Variants in PRKD3 observed in about 807,000 individuals in gnomAD.
The protein encoded by PRKD3 is serine/threonine-protein kinase D3.
A neutral mutation model predicts 99.2 loss-of-function variants in PRKD3; 47 were observed. The ratio of observed to expected loss-of-function variants is 0.47; its 90% CI spans 0.38 to 0.60. PRKD3 has a LOEUF of 0.60. Ranked by LOEUF, PRKD3 falls within the 20% of genes least tolerant of loss-of-function variation. The probability of loss-of-function intolerance (pLI) is 0.00; values close to 1 mark genes in which losing one functional copy is unlikely to be tolerated. For synonymous variants in PRKD3, 392 were observed against 355.4 expected, an observed-to-expected ratio of 1.10 and a Z score of -1.16; for missense variants, 1,019 against 1,088.4, an observed-to-expected ratio of 0.94 and a Z score of 0.90.
chr2:37,275,540 G>GAAAT (rs1669525813), intron 10 of PRKD3, among the ~76,000 whole-genome samples: 2 of 152,116 alleles, frequency 1.3e-5, no homozygotes, highest in African/African-American at 4.8e-5. Context: ...AGGCAAGCCA[G>GAAAT]AAATAAATAA....
In PRKD3 at chr2:37,250,945, A is replaced by G. The variant is rs1178243751; in HGVS notation, c.*2232T>C. On this transcript the variant is annotated 3_prime_UTR_variant, in exon 19 of 19. Transcript: ENST00000234179. The stretch of plus-strand genomic sequence containing the variant: ...CAGATTCTCTGACAGTGCCTTTACA[A>G]AATTTTTAGAAAACTTCTTAGGCAT... The G allele has an allele frequency of 1.3e-5, 2 of 152,764 alleles. No individual in the cohort carries two copies. Among genetic ancestry groups the G allele is most frequent in the Admixed American group, 1.3e-4 (2 of 15,300 alleles). The allele number at this position is 152,764 out of a possible 1,614,324, so 9.5% of individuals were successfully genotyped here.
At chr2:37,266,648 G>A (rs755363660) in intron 14 of PRKD3, among the ~76,000 whole-genome samples, 6 of 152,146 alleles carry the variant, frequency 3.9e-5, no homozygotes, top group Non-Finnish European at 5.9e-5. Context: ...CACCGTGCCC[G>A]GCCTAGTTTT....
At chr2:37,280,601 A>T (rs1244450872) in intron 7 of PRKD3, among the ~76,000 whole-genome samples, 2 of 152,202 alleles carry the variant, frequency 1.3e-5, no homozygotes, top group African/African-American at 4.8e-5. Context: ...TATAAATCAT[A>T]TATAAAAATT....
intron 2 of PRKD3, among the ~76,000 whole-genome samples, chr2:37,296,664 G>A (rs1437572921): frequency 2.6e-5 from 4 of 151,970 alleles, no homozygotes; most frequent in African/African-American, 7.3e-5. Flanking sequence ...TTGGGAGGCC[G>A]CGGCGGGAAG....
chr2:37,262,493 C>T lies in PRKD3; in HGVS notation c.1885-2109G>A, dbSNP rs3770765. Among the ~76,000 whole-genome samples the T allele has an allele frequency of 1.8e-4, 28 of 152,260 alleles. No individual in the cohort carries two copies. The East Asian group carries it at 4.6e-3, about 25-fold the overall frequency. On this transcript the variant is annotated intron_variant, in intron 14 of 18. Transcript: ENST00000234179. ...TCATTTTAAACCCATTTTATGAGAT[C>T]GTTTTCCAAGCAGCAAAATACAAAA...
At chr2:37,324,279 T>G (rs1672016476) in intron 1 of PRKD3, 1 of 969,290 alleles carries the variant, frequency 1.0e-6, no homozygotes, top group East Asian at 1.1e-4. Context: ...GCGCCGCGGG[T>G]CTGGCTTCGG....
intron 5 of PRKD3, 35 bp downstream of exon 5, chr2:37,289,318 AACT>A (rs746179419): frequency 5.0e-6 from 8 of 1,600,146 alleles, no homozygotes; most frequent in African/African-American, 4.0e-5. Context: ...CACAGAGAAT[AACT>A]ACTACTAAAA....
chr2:37,276,799 C>T (rs1366654993), intron 9 of PRKD3, among the ~76,000 whole-genome samples: 8 of 148,794 alleles, frequency 5.4e-5, no homozygotes, highest in Admixed American at 2.7e-4. Flanking sequence ...TATATACACA[C>T]ACACACATAC....
intron 2 of PRKD3, among the ~76,000 whole-genome samples, chr2:37,305,429 TCTCA>T (rs1671116746): frequency 6.6e-6 from 1 of 152,226 alleles, no homozygotes; most frequent in African/African-American, 2.4e-5. Flanking sequence ...CCAATTCCTT[TCTCA>T]CTCCAATTAT....
intron 1 of PRKD3, among the ~76,000 whole-genome samples, chr2:37,323,085 CAG>C (rs78369737): frequency 0.046 from 6,966 of 151,784 alleles, 702 homozygotes; most frequent in East Asian, 0.35. Flanking sequence ...AATGTAATAT[CAG>C]AAAGTTTTAT....
At chr2:37,259,398 C>T (rs1033908208) in intron 16 of PRKD3, among the ~76,000 whole-genome samples, 185 bp downstream of exon 16, 2 of 152,222 alleles carry the variant, frequency 1.3e-5, no homozygotes, top group Non-Finnish European at 2.9e-5. Context: ...TGAATATAAA[C>T]AGTATAACTA....
At chr2:37,266,551 A>G (rs989781025) in intron 14 of PRKD3, among the ~76,000 whole-genome samples, 4 of 151,926 alleles carry the variant, frequency 2.6e-5, no homozygotes, top group African/African-American at 4.8e-5. Context: ...CAATGGCACA[A>G]TCTTGGCTAA....
At chr2:37,304,460 G>A (rs1671071323) in intron 2 of PRKD3, among the ~76,000 whole-genome samples, 2 of 152,052 alleles carry the variant, frequency 1.3e-5, no homozygotes, top group Admixed American at 1.3e-4. Flanking sequence ...ATCATAAGAG[G>A]CCAGGTGTGG....
At chr2:37,270,893 CT>C (rs1341241362) in intron 12 of PRKD3, among the ~76,000 whole-genome samples, 2 of 152,134 alleles carry the variant, frequency 1.3e-5, no homozygotes, top group African/African-American at 2.4e-5. Context: ...ATTCTGAATC[CT>C]TTTCCCCCAT....
chr2:37,253,244 T>C lies in PRKD3; in HGVS notation c.2606A>G (p.His869Arg). 1 of 1,612,700 alleles carries C rather than the reference T, an allele frequency of 6.2e-7. No homozygotes were observed. The highest frequency in any genetic ancestry group is 8.5e-7 in the Non-Finnish European group (1 of 1,178,864). The change falls in exon 19 of 19, where the codon CAT becomes CGT. Residue 869 changes from histidine to arginine, a missense_variant. Physicochemically the swap from His to Arg is conservative, Grantham distance 29 (BLOSUM62 0). Transcript: ENST00000234179. ...GAAGTGCTTTGGGTATACAAGGTTA[T>C]GTGTGTATGCATGTATTTCCCAGCG... Reference protein sequence around the residue: ...DARWEIHAYTHNLVYPKHFIM... With the variant: ...DARWEIHAYTRNLVYPKHFIM...
At position 37,274,479 on chromosome 2, in the gene PRKD3, G is replaced by A. The variant is rs1179053451; in HGVS notation, c.1593C>T (p.Leu531=). ...QSWEKAIRQA[L]MPVTPQASVC... is the part of the protein sequence containing the mutation. ...CACTTGCTTGAGGAGTAACAGGCAT[G>A]AGGGCTTGGCGAATTGCTTTTTCCC... is the stretch of plus-strand genomic sequence containing the variant. The change falls in exon 11 of 19, where the codon CTC becomes CTT. Residue 531 remains leucine, a synonymous_variant. Coordinates refer to ENST00000234179, the MANE Select transcript of PRKD3 (RefSeq NM_005813.6). The A allele has an allele frequency of 6.2e-7, 1 of 1,614,026 alleles. No individual in the cohort carries two copies. Among genetic ancestry groups the A allele is most frequent in the Admixed American group, 1.7e-5 (1 of 60,010 alleles).
rs2148539284 is a variant in PRKD3 at position 37,274,485 on chromosome 2, T to C, written c.1587A>G (p.Gln529=). ...VAQSWEKAIR[Q]ALMPVTPQAS... ...CTTGAGGAGTAACAGGCATGAGGGC[T>C]TGGCGAATTGCTTTTTCCCAGCTCT... The change falls in exon 11 of 19, where the codon CAA becomes CAG. Residue 529 remains glutamine, a synonymous_variant. Transcript: ENST00000234179. The C allele has an allele frequency of 1.9e-6, 3 of 1,614,168 alleles. No homozygotes were observed. Among genetic ancestry groups the C allele is most frequent in the South Asian group, 2.2e-5 (2 of 91,088 alleles).
chr2:37,260,200 A>T, intron 15 of PRKD3, 23 bp downstream of exon 15: 2 of 1,449,580 alleles, frequency 1.4e-6, no homozygotes, highest in Non-Finnish European at 1.9e-6. Flanking sequence ...CGCTAGTTTA[A>T]AAAAAAAAAG....
At chr2:37,265,078 C>G (rs896599869) in intron 14 of PRKD3, among the ~76,000 whole-genome samples, 2 of 152,100 alleles carry the variant, frequency 1.3e-5, no homozygotes, top group Admixed American at 6.5e-5. Flanking sequence ...ATGGACGCCT[C>G]TAGGGATGCA....
Sources: gnomAD v4.1 joint callset for allele counts (sites outside exome capture counted in the v4.1 genomes callset) on GRCh38, gnomAD v4.1.1 for gene constraint, MANE v1.5 for transcripts, NCBI Gene and HGNC (gene_info 2026-07-23, HGNC 2026-07-21) for gene names.